IL4I1: variants seen among roughly 807,000 people sequenced by gnomAD.
The protein encoded by IL4I1 is interleukin 4 induced 1, also known as L-amino-acid oxidase.
A neutral mutation model predicts 29.7 loss-of-function variants in IL4I1; 24 were observed. The ratio of observed to expected loss-of-function variants is 0.81; its 90% CI spans 0.59 to 1.14. The LOEUF is 1.14. IL4I1 is among the 50% of genes most tolerant of loss of function. The pLI, the probability that IL4I1 is intolerant of heterozygous loss-of-function variation, is 0.00. For missense variants in IL4I1, 686 were observed against 785.6 expected (o/e 0.87, Z 1.52); for synonymous variants, 371 against 352.5 (o/e 1.05, Z -0.59).
chr19:49,913,369 T>A (rs1460462464), intron 2 of IL4I1, among the ~76,000 whole-genome samples: 2 of 152,154 alleles, frequency 1.3e-5, no homozygotes, highest in African/African-American at 4.8e-5. Flanking sequence ...AAGAGCGCCT[T>A]TGTTTACCTG....
At chr19:49,908,651 T>A in intron 2 of IL4I1, 1 of 1,612,788 alleles carries the variant, frequency 6.2e-7, no homozygotes, top group Non-Finnish European at 8.5e-7. Flanking sequence ...CAGCCTCTTC[T>A]GGTCCAGCTT....
At chr19:49,913,565 G>A (rs1165664150) in intron 2 of IL4I1, among the ~76,000 whole-genome samples, 3 of 152,240 alleles carry the variant, frequency 2.0e-5, no homozygotes, top group Middle Eastern at 3.2e-3. Context: ...ACCACACGCT[G>A]TTGCAGGGAG....
chr19:49,891,034 C>T lies in IL4I1; in HGVS notation c.710G>A (p.Gly237Asp), dbSNP rs1249056070. 4 of 1,611,222 alleles carry T rather than the reference C, an allele frequency of 2.5e-6. No individual in the cohort carries two copies. The highest frequency in any genetic ancestry group is 1.7e-6 in the Non-Finnish European group (2 of 1,179,530). The change falls in exon 7 of 8, where the codon GGC becomes GAC. Residue 237 changes from glycine to aspartate, a missense_variant. By Grantham distance (94) the Gly-to-Asp change is moderately conservative. Coordinates refer to ENST00000391826, the MANE Select transcript of IL4I1 (RefSeq NM_152899.2). ...CTCGGCGAAGCTGAGATAGAAGAAG[C>T]CATCCTCGGACATCACGTCTCCCAG... ...QLLGDVMSEDGFFYLSFAEAL... is the reference protein window; with the variant it reads ...QLLGDVMSEDDFFYLSFAEAL...
At chr19:49,894,163 T>G in intron 5 of IL4I1, 105 bp downstream of exon 5, 2 of 1,070,584 alleles carry the variant, frequency 1.9e-6, no homozygotes, top group Non-Finnish European at 2.8e-6. Context: ...CCCCACCCCA[T>G]GGAGGGGACT....
At chr19:49,896,115 A>G (rs373547894) in intron 2 of IL4I1, 33 bp downstream of exon 2, 42 of 1,545,778 alleles carry the variant, frequency 2.7e-5, no homozygotes, top group Non-Finnish European at 3.6e-5. Flanking sequence ...GGTTCTACTC[A>G]CTTGTTCCAG....
rs548980353 is a variant in IL4I1, at chr19:49,907,400, T to C, written c.-227-3079A>G. The C allele has an allele frequency of 2.5e-3, 960 of 383,200 alleles. 3 individuals carry two copies. Among genetic ancestry groups the C allele is most frequent in the Non-Finnish European group, 4.2e-3 (849 of 199,866 alleles). 23.7% of individuals were successfully genotyped at this position (383,200 alleles called of 1,614,324 possible). A position where few individuals can be genotyped will look rare whatever the true frequency, so the allele number is the denominator to read the frequency against. ...ACCCTGTGTGTGCAGGCCCCTCAGC[T>C]GACCTGTCTTCTGTGAAATTCTTGA... is the stretch of plus-strand genomic sequence containing the variant. On this transcript the variant is annotated intron_variant, in intron 2 of 9. Transcript: ENST00000341114.
At chr19:49,901,802 G>C (rs373190797), upstream of IL4I1, 2 of 1,003,608 alleles carry the variant, frequency 2.0e-6, no homozygotes, top group South Asian at 1.9e-5. Context: ...CCTGATATTG[G>C]GGTCAGAGCA....
intron 7 of IL4I1, 43 bp downstream of exon 7, chr19:49,890,928 T>TTCCCCCCCCCCCCCCCCCCCCCCCCCCCC: frequency 1.6e-6 from 1 of 633,210 alleles, no homozygotes; most frequent in South Asian, 2.4e-5. Context: ...TTTCCCTGAT[T>TTCCCCCCCCCCCCCCCCCCCCCCCCCCCC]GCCCCCCGCC....
chr19:49,909,093 G>C, intron 2 of IL4I1: 3 of 1,612,596 alleles, frequency 1.9e-6, no homozygotes, highest in Non-Finnish European at 2.5e-6. Flanking sequence ...GGGGTACAGA[G>C]GGAGAGTCCA....
chr19:49,914,468 G>A (rs2075566500), intron 2 of IL4I1, among the ~76,000 whole-genome samples: 1 of 152,146 alleles, frequency 6.6e-6, no homozygotes, highest in Non-Finnish European at 1.5e-5. Context: ...GGAAAGTGCT[G>A]GCAGAGCCGC....
chr19:49,922,134 G>A (rs1303341929), intron 2 of IL4I1, among the ~76,000 whole-genome samples: 2 of 152,204 alleles, frequency 1.3e-5, no homozygotes, highest in Non-Finnish European at 2.9e-5. Context: ...AACCCCGGCG[G>A]CACTAGCTCC....
At position 49,895,107 on chromosome 19, in the gene IL4I1, A is replaced by G. The variant is rs569901417; in HGVS notation, c.326T>C (p.Ile109Thr). Reference protein sequence around the residue: ...FTYRDQNTGWIGELGAMRMPS... With the variant: ...FTYRDQNTGWTGELGAMRMPS... ...CATGCGCATGGCTCCCAGCTCCCCAATCCAGCCCGTGTTCTGGTCCCGGTA... is the reference window on the plus strand; with the variant it reads ...CATGCGCATGGCTCCCAGCTCCCCAGTCCAGCCCGTGTTCTGGTCCCGGTA... Residue 109 changes from isoleucine to threonine, a missense_variant, in exon 4 of 8, where the codon ATT becomes ACT. Coordinates refer to ENST00000391826, the MANE Select transcript of IL4I1 (RefSeq NM_152899.2). The G allele has an allele frequency of 2.4e-5, 39 of 1,613,804 alleles. No homozygotes were observed. The highest frequency in any genetic ancestry group is 2.4e-4 in the South Asian group (22 of 91,086).
intron 2 of IL4I1, among the ~76,000 whole-genome samples, chr19:49,916,696 G>A (rs151121647): frequency 0.019 from 2,883 of 151,030 alleles, 42 homozygotes; most frequent in Non-Finnish European, 0.026. Flanking sequence ...CCCGGGAGGC[G>A]GAGCTTGCAG....
chr19:49,897,342 T>C (rs1348737411), upstream of IL4I1, among the ~76,000 whole-genome samples: 1 of 152,112 alleles, frequency 6.6e-6, no homozygotes, highest in African/African-American at 2.4e-5. Flanking sequence ...CCTCTCCACT[T>C]GCCACCCAGA....
rs762445215 is a variant in IL4I1, at chr19:49,895,935, C to G, written c.132G>C (p.Gln44His). 1 of 1,614,238 alleles carries G rather than the reference C, an allele frequency of 6.2e-7. No homozygotes were observed. The highest frequency in any genetic ancestry group is 8.5e-7 in the Non-Finnish European group (1 of 1,180,044). The change falls in exon 3 of 8, where the codon CAG becomes CAC. Residue 44 changes from glutamine to histidine, a missense_variant. Transcript: ENST00000391826. ...EKCMQDPDYE[Q>H]LLKVVTWGLN... ...GCCCCCAGGTCACCACCTTGAGCAG[C>G]TGCTCATAGTCAGGATCCTGCATGC... is the stretch of plus-strand genomic sequence containing the variant.
chr19:49,905,449 G>A (rs2075309663), intron 2 of IL4I1, among the ~76,000 whole-genome samples: 2 of 152,150 alleles, frequency 1.3e-5, no homozygotes, highest in Non-Finnish European at 2.9e-5. Flanking sequence ...TGAACTGCAG[G>A]AAAAGGTCCC....
chr19:49,907,374 C>T, intron 2 of IL4I1: 1 of 339,132 alleles, frequency 2.9e-6, no homozygotes, highest in Non-Finnish European at 5.7e-6. Context: ...GGTTCCTCAA[C>T]ACCCTGTGTG....
At chr19:49,913,433 G>T (rs932796253) in intron 2 of IL4I1, among the ~76,000 whole-genome samples, 2 of 152,190 alleles carry the variant, frequency 1.3e-5, no homozygotes, top group Non-Finnish European at 2.9e-5. Flanking sequence ...TAGAGTGGGG[G>T]CTTTGGGTCA....
At position 49,889,925 on chromosome 19, in the gene IL4I1, G is replaced by C. The variant is rs766865843; in HGVS notation, c.1449C>G (p.Thr483=). 1.9e-6 allele frequency: 3 copies of C among 1,607,638 alleles called. No individual in the cohort carries two copies. In the African/African-American group the frequency reaches 4.0e-5, roughly 22 times the overall value. ...YGRIYFAGEH[T]AYPHGWVETA... is the part of the protein sequence containing the mutation. The stretch of plus-strand genomic sequence containing the variant: ...TCTCCACCCAGCCGTGCGGGTAGGC[G>C]GTGTGCTCGCCGGCAAAGTAGATGC... Residue 483 remains threonine, a synonymous_variant, in exon 8 of 8, where the codon ACC becomes ACG. Coordinates refer to ENST00000391826, the MANE Select transcript of IL4I1 (RefSeq NM_152899.2).
Sources: gnomAD v4.1 joint callset for allele counts (sites outside exome capture counted in the v4.1 genomes callset) on GRCh38, gnomAD v4.1.1 for gene constraint, MANE v1.5 for transcripts, NCBI Gene and HGNC (gene_info 2026-07-23, HGNC 2026-07-21) for gene names.